The following DAPP1 variants were observed in gnomAD, a reference collection of about 807,000 sequenced individuals.
DAPP1 encodes the protein dual adaptor of phosphotyrosine and 3-phosphoinositides 1.
In DAPP1, 20 loss-of-function variants were observed where a neutral mutation model predicts 41.5. The observed-to-expected ratio is 0.48, with a 90% confidence interval of 0.34 to 0.70. The LOEUF (loss-of-function observed/expected upper bound fraction) is 0.70. DAPP1 is among the 30% of genes least tolerant of loss of function. The probability of loss-of-function intolerance (pLI) is 0.01; values close to 1 mark genes in which losing one functional copy is unlikely to be tolerated. For missense variants in DAPP1, 233 were observed against 333.4 expected (o/e 0.70, Z 2.35); for synonymous variants, 113 against 116.2 (o/e 0.97, Z 0.18).
intron 3 of DAPP1, among the ~76,000 whole-genome samples, chr4:99,843,615 A>T (rs1723568053): frequency 6.6e-6 from 1 of 152,248 alleles, no homozygotes; most frequent in Admixed American, 6.5e-5. Context: ...AAACACTCTT[A>T]AGATACTTCC....
chr4:99,863,737 A>G, intron 6 of DAPP1, 33 bp from the exon 7 acceptor site: 1 of 1,179,640 alleles, frequency 8.5e-7, no homozygotes. Flanking sequence ...TTTTTTTTTA[A>G]TGGTGACATA....
chr4:99,854,052 A>G (rs1483363806), intron 4 of DAPP1, among the ~76,000 whole-genome samples: 3 of 152,216 alleles, frequency 2.0e-5, no homozygotes, highest in Non-Finnish European at 4.4e-5. Context: ...CACCTTTACT[A>G]TAAAAACTCA....
intron 1 of DAPP1, among the ~76,000 whole-genome samples, chr4:99,824,246 C>T (rs1224482391): frequency 6.6e-6 from 1 of 152,180 alleles, no homozygotes; most frequent in Non-Finnish European, 1.5e-5. Flanking sequence ...TCATCTTTGC[C>T]TTCTCCATCT....
chr4:99,861,599 C>T lies in DAPP1; in HGVS notation c.511C>T (p.Leu171Phe), dbSNP rs747022017. 1.3e-6 allele frequency: 2 copies of T among 1,574,266 alleles called. No homozygotes were observed. The highest frequency in any genetic ancestry group is 1.7e-6 in the Non-Finnish European group (2 of 1,158,742). ...APSLGTKEGY[L>F]TKQGGLVKTW... Reference sequence around the variant, plus strand: ...TCAGCTGGGCACCAAAGAAGGTTACCTCACCAAACAGGGAGGCCTGGTCAA... The same window carrying T: ...TCAGCTGGGCACCAAAGAAGGTTACTTCACCAAACAGGGAGGCCTGGTCAA... Residue 171 changes from leucine to phenylalanine, a missense_variant, in exon 5 of 9, where the codon CTC (leucine) becomes TTC (phenylalanine). By Grantham distance (22) the Leu-to-Phe change is conservative. Coordinates refer to ENST00000512369, the MANE Select transcript of DAPP1 (RefSeq NM_014395.3).
In DAPP1 at chr4:99,853,328, C is replaced by G. The variant is rs1199627336; in HGVS notation, c.469C>G (p.Leu157Val). ...AMQTGRTEDD[L>V]VPTAPSLGTK... ...GCAGACAGGAAGAACAGAAGATGACCTTGTGCCCACAGCACCTTCTGTAAG... is the reference window on the plus strand; with the variant it reads ...GCAGACAGGAAGAACAGAAGATGACGTTGTGCCCACAGCACCTTCTGTAAG... Residue 157 changes from leucine (L) to valine (V), a missense_variant, in exon 4 of 9, where the codon CTT (leucine) becomes GTT (valine). Coordinates refer to ENST00000512369, the MANE Select transcript of DAPP1 (RefSeq NM_014395.3). 2.5e-6 allele frequency: 4 copies of G among 1,609,998 alleles called. No individual in the cohort carries two copies. Among genetic ancestry groups the G allele is most frequent in the Non-Finnish European group, 3.4e-6 (4 of 1,177,914 alleles).
chr4:99,862,878 T>A, intron 5 of DAPP1, 132 bp from the exon 6 acceptor site: 1 of 583,072 alleles, frequency 1.7e-6, no homozygotes, highest in Non-Finnish European at 2.8e-6. Flanking sequence ...ACAAAAGAAT[T>A]TTTTCAGGGT....
At chr4:99,844,518 G>A (rs1213955465) in intron 3 of DAPP1, 2 of 151,938 alleles carry the variant, frequency 1.3e-5, no homozygotes, top group African/African-American at 2.4e-5. Context: ...AAATGTAGAC[G>A]GCATTTATCT....
At chr4:99,835,265 T>C (rs149807668) in intron 1 of DAPP1, among the ~76,000 whole-genome samples, 13,138 of 152,130 alleles carry the variant, frequency 0.086, 728 homozygotes, top group Middle Eastern at 0.15. Context: ...TGCCTTGGCC[T>C]CCCAAAGTGC....
chr4:99,844,811 A>G (rs1035501401), intron 3 of DAPP1: 3 of 152,224 alleles, frequency 2.0e-5, no homozygotes, highest in Non-Finnish European at 4.4e-5. Context: ...GGGATTCCCA[A>G]TCTTTTGACG....
chr4:99,833,335 G>T (rs1306032858), intron 1 of DAPP1, among the ~76,000 whole-genome samples: 2 of 152,192 alleles, frequency 1.3e-5, no homozygotes, highest in East Asian at 3.8e-4. Context: ...ATTGCTTTCA[G>T]CTAGCAAATA....
intron 7 of DAPP1, chr4:99,864,157 C>T (rs1444102085): frequency 1.0e-5 from 2 of 194,868 alleles, no homozygotes; most frequent in African/African-American, 2.4e-5. Context: ...TTATTTATAA[C>T]TTTGTTGACT....
intron 3 of DAPP1, among the ~76,000 whole-genome samples, chr4:99,850,431 G>T (rs116733642): frequency 0.02 from 3,040 of 151,990 alleles, 45 homozygotes; most frequent in South Asian, 0.036. Context: ...ATTAACACAG[G>T]TATTATTATG....
At chr4:99,839,617 A>T (rs1723428833) in intron 2 of DAPP1, among the ~76,000 whole-genome samples, 1 of 152,126 alleles carries the variant, frequency 6.6e-6, no homozygotes, top group Non-Finnish European at 1.5e-5. Context: ...CCCAAGGCAG[A>T]GGAGAGTGTG....
intron 2 of DAPP1, among the ~76,000 whole-genome samples, chr4:99,838,020 G>C (rs572146059): frequency 3.0e-4 from 45 of 152,128 alleles, no homozygotes; most frequent in Non-Finnish European, 4.7e-4. Context: ...CATTGAGAAT[G>C]CAAACAATGG....
chr4:99,861,020 C>T (rs112199398), intron 4 of DAPP1, among the ~76,000 whole-genome samples: 2,798 of 152,224 alleles, frequency 0.018, 38 homozygotes, highest in Non-Finnish European at 0.028. Context: ...AATAAATCTA[C>T]GCTCCTGACA....
intron 1 of DAPP1, among the ~76,000 whole-genome samples, chr4:99,831,102 T>C (rs1723105147): frequency 6.6e-6 from 1 of 152,216 alleles, no homozygotes; most frequent in Admixed American, 6.5e-5. Flanking sequence ...AAAACTCTTA[T>C]TTTATGTTTT....
Position 99,850,514 on chromosome 4 carries a change from A to G in DAPP1, c.359-2704A>G, listed in dbSNP as rs368319409. Among the ~76,000 whole-genome samples, 48 of 152,346 alleles carry G rather than the reference A, an allele frequency of 3.2e-4. No homozygotes were observed. The East Asian group carries it at 6.2e-3, about 20-fold the overall frequency. ...TCATTTAAAGCATTATTTTCATATT[A>G]AGTATTAAATATATGAAGTAGAATG... On this transcript the variant is annotated intron_variant, in intron 3 of 8. Coordinates refer to ENST00000512369, the MANE Select transcript of DAPP1 (RefSeq NM_014395.3).
At chr4:99,851,882 G>A (rs1326322902) in intron 3 of DAPP1, among the ~76,000 whole-genome samples, 1 of 151,572 alleles carries the variant, frequency 6.6e-6, no homozygotes, top group East Asian at 1.9e-4. Flanking sequence ...ATTAACATTA[G>A]GGTGTTTTTT....
At chr4:99,836,111 T>A (rs2110143550) in intron 2 of DAPP1, among the ~76,000 whole-genome samples, 1 of 152,350 alleles carries the variant, frequency 6.6e-6, no homozygotes, top group Non-Finnish European at 1.5e-5. Context: ...ATTCTTTGAT[T>A]TCTCTGTAAA....
Sources: gnomAD v4.1 joint callset for allele counts (sites outside exome capture counted in the v4.1 genomes callset) on GRCh38, gnomAD v4.1.1 for gene constraint, MANE v1.5 for transcripts, NCBI Gene and HGNC (gene_info 2026-07-23, HGNC 2026-07-21) for gene names.